Variants in SRGAP1 observed in about 807,000 individuals in gnomAD.
The protein encoded by SRGAP1 is SLIT-ROBO Rho GTPase-activating protein 1.
Under a neutral mutation model 121.9 loss-of-function variants are expected in SRGAP1, and 43 were observed. The observed-to-expected ratio is 0.35, with a 90% CI of 0.28 to 0.46. The LOEUF (loss-of-function observed/expected upper bound fraction) is 0.46. Among genes scored for constraint, SRGAP1 ranks in the 20% least tolerant of loss-of-function variants. The pLI is 1.00. For missense variants in SRGAP1, 1,102 were observed against 1,350.9 expected, an observed-to-expected ratio of 0.82 and a Z score of 2.89; for synonymous variants, 447 against 485.4, an observed-to-expected ratio of 0.92 and a Z score of 1.04.
intron 1 of SRGAP1, among the ~76,000 whole-genome samples, chr12:63,886,961 C>G (rs1055631066): frequency 1.7e-4 from 26 of 152,140 alleles, no homozygotes; most frequent in African/African-American, 5.8e-4. Flanking sequence ...GCAACCTCCT[C>G]CTCCTGGGTT....
chr12:64,028,172 G>T (rs1366198358), intron 4 of SRGAP1, among the ~76,000 whole-genome samples: 1 of 152,222 alleles, frequency 6.6e-6, no homozygotes, highest in Non-Finnish European at 1.5e-5. Flanking sequence ...CTGTTGCTTA[G>T]CTCCTGCTAC....
intron 9 of SRGAP1, among the ~76,000 whole-genome samples, chr12:64,079,828 G>A (rs1230103574): frequency 6.6e-6 from 1 of 152,160 alleles, no homozygotes; most frequent in Admixed American, 6.5e-5. Context: ...GCTCCCAAGG[G>A]TTGGCTGATG....
At chr12:64,085,679 A>G (rs1185811395) in intron 10 of SRGAP1, among the ~76,000 whole-genome samples, 1 of 152,172 alleles carries the variant, frequency 6.6e-6, no homozygotes, top group Non-Finnish European at 1.5e-5. Flanking sequence ...ACTCCCATTC[A>G]TGAATAGCTA....
chr12:64,016,849 C>T, intron 3 of SRGAP1, 101 bp from the exon 4 acceptor site: 2 of 639,348 alleles, frequency 3.1e-6, no homozygotes, highest in South Asian at 2.4e-5. Context: ...CAGAGGCTTG[C>T]TGTCTTTCTG....
chr12:64,134,399 C>T (rs989080413), intron 21 of SRGAP1, among the ~76,000 whole-genome samples: 19 of 148,244 alleles, frequency 1.3e-4, no homozygotes, highest in Non-Finnish European at 2.1e-4. Context: ...CTAGCCTGAG[C>T]GACACAGCAA....
chr12:64,079,272 G>C (rs1038426034), intron 9 of SRGAP1, among the ~76,000 whole-genome samples, 156 bp downstream of exon 9: 9 of 152,128 alleles, frequency 5.9e-5, no homozygotes, highest in African/African-American at 2.2e-4. Flanking sequence ...TTCGGAAAGA[G>C]TTTAGGAGTT....
rs528812175 is a variant in SRGAP1 at position 64,054,534 on chromosome 12, G to A, written c.802-8383G>A. ...GTCCATGGAAACCTGTCCCATTGTA[G>A]TACTGTATTCCCCATTAGACATGAA... On this transcript the variant is annotated intron_variant, in intron 6 of 21. Transcript: ENST00000355086. 1.0e-3 allele frequency among the ~76,000 whole-genome samples: 156 copies of A among 152,158 alleles called. 2 individuals carry two copies. The highest frequency in any genetic ancestry group is 1.9e-3 in the African/African-American group (78 of 41,528).
chr12:63,996,192 AC>A (rs1430379680), intron 3 of SRGAP1, among the ~76,000 whole-genome samples: 1 of 152,048 alleles, frequency 6.6e-6, no homozygotes, highest in African/African-American at 2.4e-5. Flanking sequence ...AACACTAACT[AC>A]TTTTAAATTT....
chr12:64,137,124 C>T (rs1412615517), intron 21 of SRGAP1, among the ~76,000 whole-genome samples: 2 of 151,954 alleles, frequency 1.3e-5, no homozygotes, highest in African/African-American at 4.8e-5. Context: ...ATTAGCTGGG[C>T]ATGGTGGCAG....
At chr12:64,090,833 C>G (rs943861528) in intron 11 of SRGAP1, among the ~76,000 whole-genome samples, 1 of 151,900 alleles carries the variant, frequency 6.6e-6, no homozygotes, top group African/African-American at 2.4e-5. Context: ...GAGCAAGACT[C>G]TGACTTAAAA....
chr12:64,112,231 A>C (rs1430637557), intron 17 of SRGAP1, among the ~76,000 whole-genome samples: 1 of 152,176 alleles, frequency 6.6e-6, no homozygotes, highest in African/African-American at 2.4e-5. Flanking sequence ...TTGTAGACAA[A>C]AAGGGTTTTG....
At chr12:64,063,434 C>CA (rs1395054293) in intron 7 of SRGAP1, among the ~76,000 whole-genome samples, 1 of 152,080 alleles carries the variant, frequency 6.6e-6, no homozygotes, top group Non-Finnish European at 1.5e-5. Flanking sequence ...AAAATGAAGG[C>CA]ATTTTGCTGG....
chr12:64,047,140 C>G (rs1386484113), intron 6 of SRGAP1, among the ~76,000 whole-genome samples: 1 of 152,106 alleles, frequency 6.6e-6, no homozygotes, highest in African/African-American at 2.4e-5. Flanking sequence ...GAACAATTCT[C>G]AAATAATATA....
chr12:64,089,754 G>A (rs2036013498), intron 11 of SRGAP1, among the ~76,000 whole-genome samples: 1 of 152,090 alleles, frequency 6.6e-6, no homozygotes. Context: ...TTTTAACCTC[G>A]CCAGCACTGT....
At chr12:63,873,033 A>G (rs567032798) in intron 1 of SRGAP1, among the ~76,000 whole-genome samples, 35 of 152,308 alleles carry the variant, frequency 2.3e-4, no homozygotes, top group South Asian at 1.9e-3. Context: ...CCTTCTTAAC[A>G]ATCATGAGCT....
At chr12:64,006,458 C>T (rs892588838) in intron 3 of SRGAP1, among the ~76,000 whole-genome samples, 1 of 152,104 alleles carries the variant, frequency 6.6e-6, no homozygotes, top group African/African-American at 2.4e-5. Flanking sequence ...TGTCTGAGGT[C>T]TGGAGAGGCA....
rs1258934925 is a variant in SRGAP1, at chr12:64,148,000, T to C, written c.*5328T>C. On this transcript the variant is annotated 3_prime_UTR_variant, in exon 22 of 22. Transcript: ENST00000355086. ...CTTTCATTTCTTGTTCATTTGGAAATAGGGTGTCCTGCACAGGGCCCTGCC... is the reference window on the plus strand; with the variant it reads ...CTTTCATTTCTTGTTCATTTGGAAACAGGGTGTCCTGCACAGGGCCCTGCC... 1 of 182,288 alleles carries C rather than the reference T, an allele frequency of 5.5e-6. No individual in the cohort carries two copies. Among genetic ancestry groups the C allele is most frequent in the Non-Finnish European group, 1.1e-5 (1 of 88,304 alleles). The allele number at this position is 182,288 out of a possible 1,614,324, so 11.3% of individuals were successfully genotyped here. A position where few individuals can be genotyped will look rare whatever the true frequency, so the allele number is the denominator to read the frequency against.
intron 2 of SRGAP1, among the ~76,000 whole-genome samples, chr12:63,985,036 T>C (rs1312963465): frequency 1.4e-5 from 2 of 144,418 alleles, no homozygotes; most frequent in African/African-American, 2.6e-5. Context: ...AAAAAAGGCC[T>C]CAGGACAGAG....
At chr12:64,132,524 T>G (rs2036801293) in intron 21 of SRGAP1, among the ~76,000 whole-genome samples, 2 of 152,352 alleles carry the variant, frequency 1.3e-5, no homozygotes, top group South Asian at 4.1e-4. Context: ...GCCTCTTTCT[T>G]GTTTGCAGGA....
Sources: allele counts gnomAD v4.1 joint callset (sites outside exome capture counted in the v4.1 genomes callset), GRCh38; gene constraint gnomAD v4.1.1; transcripts MANE v1.5; gene names NCBI Gene and HGNC (gene_info 2026-07-23, HGNC 2026-07-21).